The following VPS16 variants were observed in gnomAD, a reference collection of about 807,000 sequenced individuals.
The protein encoded by VPS16 is vacuolar protein sorting-associated protein 16 homolog.
In VPS16, 82 loss-of-function variants were observed where a neutral mutation model predicts 116.0. The ratio of observed to expected loss-of-function variants is 0.71; its 90% CI spans 0.59 to 0.85. VPS16 has a LOEUF of 0.85. Among genes scored for constraint, VPS16 ranks in the 40% least tolerant of loss-of-function variants. VPS16 has a pLI of 0.00. For synonymous variants in VPS16, 406 were observed against 420.7 expected, an observed-to-expected ratio of 0.96 and a Z score of 0.43; for missense variants, 928 against 1,090.6, an observed-to-expected ratio of 0.85 and a Z score of 2.10.
Position 2,860,213 on chromosome 20 carries a change from G to A in VPS16, c.241-26G>A, listed in dbSNP as rs1420688199. ...GACAGGGTTTCCTCACCTGAGGACA[G>A]CCTTAGGAACCTCTCTCCCCTGCAG... On this transcript the variant is annotated intron_variant, in intron 3 of 23. Coordinates refer to ENST00000380445, the MANE Select transcript of VPS16 (RefSeq NM_022575.4). This position sits in a 1 kb window ranked among gnomAD's most constrained non-coding sequence, Gnocchi z 6.1. 16 of 1,613,972 alleles carry A rather than the reference G, an allele frequency of 9.9e-6. No individual in the cohort carries two copies. The highest frequency in any genetic ancestry group is 1.4e-5 in the Non-Finnish European group (16 of 1,179,996).
rs751634540 is a variant in VPS16, at chr20:2,864,493, C to G, written c.1818+31C>G. 3 of 1,614,044 alleles carry G rather than the reference C, an allele frequency of 1.9e-6. No individual in the cohort carries two copies. In the East Asian group the frequency reaches 6.7e-5, roughly 36 times the overall value. On this transcript the variant is annotated intron_variant, in intron 18 of 23. Transcript: ENST00000380445. This position sits in a 1 kb window ranked among gnomAD's most constrained non-coding sequence, Gnocchi z 5.2. ...TGTAGTGGGCAGGGTTGTGGTGTAGCCTTCTGAGCACTTGAGTTGGCCTTG... is the reference window on the plus strand; with the variant it reads ...TGTAGTGGGCAGGGTTGTGGTGTAGGCTTCTGAGCACTTGAGTTGGCCTTG...
In VPS16 at chr20:2,864,310, C is replaced by G. The variant is rs1272526770; in HGVS notation, c.1720+23C>G. On this transcript the variant is annotated intron_variant, in intron 17 of 23. Coordinates refer to ENST00000380445, the MANE Select transcript of VPS16 (RefSeq NM_022575.4). The surrounding 1 kb of genome is among the most constrained non-coding windows in gnomAD (Gnocchi z 5.2). ...TGGGTGAGGGCAAGGCTGGGGGGCC[C>G]CTGGGCTAAGTGGGAGCCTGGCTGG... The G allele has an allele frequency of 6.2e-7, 1 of 1,613,782 alleles. No homozygotes were observed. Among genetic ancestry groups the G allele is most frequent in the Admixed American group, 1.7e-5 (1 of 59,984 alleles).
Position 2,866,244 on chromosome 20 carries a change from C to G in VPS16, c.2304C>G (p.Asn768Lys), listed in dbSNP as rs550469019. The G allele has an allele frequency of 1.7e-5, 27 of 1,614,012 alleles. No individual in the cohort carries two copies. The South Asian group carries it at 2.9e-4, about 17-fold the overall frequency. ...TGGAGATCTGCATGAAACAACATAACAAATACGAAGCCAAGAAGTATGCTT... is the reference window on the plus strand; with the variant it reads ...TGGAGATCTGCATGAAACAACATAAGAAATACGAAGCCAAGAAGTATGCTT... ...PFVEICMKQHNKYEAKKYASR... is the reference protein window; with the variant it reads ...PFVEICMKQHKKYEAKKYASR... Residue 768 changes from asparagine (N) to lysine (K), a missense_variant, in exon 23 of 24, where the codon AAC becomes AAG. Coordinates refer to ENST00000380445, the MANE Select transcript of VPS16 (RefSeq NM_022575.4).
intron 8 of VPS16, 28 bp from the exon 9 acceptor site, chr20:2,861,587 C>G (rs1422082205): frequency 6.3e-7 from 1 of 1,589,500 alleles, no homozygotes; most frequent in Non-Finnish European, 8.6e-7. Context: ...GGGACAGTGT[C>G]TAGCCAGTGT....
At position 2,860,660 on chromosome 20, in the gene VPS16, A is replaced by T; in HGVS notation, c.514+67A>T. The T allele has an allele frequency of 1.2e-6, 2 of 1,610,242 alleles. No individual in the cohort carries two copies. Among genetic ancestry groups the T allele is most frequent in the Non-Finnish European group, 1.7e-6 (2 of 1,178,026 alleles). On this transcript the variant is annotated intron_variant, in intron 5 of 23. Transcript: ENST00000380445. This position sits in a 1 kb window ranked among gnomAD's most constrained non-coding sequence, Gnocchi z 6.1. ...GATGTGCCTCTAGCCTGTGAGACCCATAAAAACAGAAGCTGTGGCTAGAGA... is the reference window on the plus strand; with the variant it reads ...GATGTGCCTCTAGCCTGTGAGACCCTTAAAAACAGAAGCTGTGGCTAGAGA...
rs149362403 is a variant in VPS16 at position 2,848,164 on chromosome 20, C to G, written c.53+7337C>G. 4.9e-3 allele frequency among the ~76,000 whole-genome samples: 748 copies of G among 152,338 alleles called. 5 individuals carry two copies. Among genetic ancestry groups the G allele is most frequent in the African/African-American group, 0.017 (694 of 41,580 alleles). On this transcript the variant is annotated intron_variant, in intron 1 of 23. Coordinates refer to ENST00000380445, the MANE Select transcript of VPS16 (RefSeq NM_022575.4). ...ACACATCCACAGGCACCAAACCCAA[C>G]TGGGGTCCCACAGTCCTATTATATG...
At chr20:2,862,766 A>T in intron 12 of VPS16, 41 bp from the exon 13 acceptor site, 1 of 1,612,668 alleles carries the variant, frequency 6.2e-7, no homozygotes, top group Admixed American at 1.7e-5. Context: ...TGGGATGGGC[A>T]GCAGGGAAGC....
chr20:2,840,759 G>C lies in VPS16; in HGVS notation c.-16G>C, dbSNP rs754204779. 6.5e-7 allele frequency: 1 copy of C among 1,547,846 alleles called. No homozygotes were observed. The highest frequency in any genetic ancestry group is 8.7e-7 in the Non-Finnish European group (1 of 1,146,460). On this transcript the variant is annotated 5_prime_UTR_variant, in exon 1 of 24. Transcript: ENST00000380445. ...GGTGTCCCCTCGGTGCTTCCCAGCT[G>C]CCGTCTGCACCAGCCATGGACTGCT...
rs1419502920 is a variant in VPS16 at position 2,864,343 on chromosome 20, A to G, written c.1721-22A>G. 2 of 1,613,242 alleles carry G rather than the reference A, an allele frequency of 1.2e-6. No individual in the cohort carries two copies. The highest frequency in any genetic ancestry group is 2.2e-5 in the South Asian group (2 of 91,012). On this transcript the variant is annotated intron_variant, in intron 17 of 23. Coordinates refer to ENST00000380445, the MANE Select transcript of VPS16 (RefSeq NM_022575.4). This position sits in a 1 kb window ranked among gnomAD's most constrained non-coding sequence, Gnocchi z 5.2. ...AAGTGGGAGCCTGGCTGGAATTCCC[A>G]CTCCACCTTACTCTCCTGCAGTGTT...
At chr20:2,845,587 A>G (rs1305237432) in intron 1 of VPS16, among the ~76,000 whole-genome samples, 53 of 139,284 alleles carry the variant, frequency 3.8e-4, no homozygotes, top group Non-Finnish European at 3.0e-5. Flanking sequence ...TGGGAGGCTG[A>G]AAAAAAAAAA....
At chr20:2,857,858 C>G (rs952269426) in intron 1 of VPS16, among the ~76,000 whole-genome samples, 2 of 150,974 alleles carry the variant, frequency 1.3e-5, no homozygotes, top group African/African-American at 4.9e-5. Context: ...TTACAGGTGC[C>G]CACCACCACG....
At position 2,864,012 on chromosome 20, in the gene VPS16, A is replaced by T. The variant is rs765001792; in HGVS notation, c.1540A>T (p.Thr514Ser). 1 of 1,614,104 alleles carries T rather than the reference A, an allele frequency of 6.2e-7. No individual in the cohort carries two copies. The highest frequency in any genetic ancestry group is 8.5e-7 in the Non-Finnish European group (1 of 1,179,996). Residue 514 changes from threonine (T) to serine (S), a missense_variant, in exon 16 of 24, where the codon ACG becomes TCG. Coordinates refer to ENST00000380445, the MANE Select transcript of VPS16 (RefSeq NM_022575.4). The surrounding 1 kb of genome is among the most constrained non-coding windows in gnomAD (Gnocchi z 5.2). ...AGCCATTAACCAGAAGCTGGGGGAC[A>T]CGCCTGGTGTCTCTTACTCCGACAT... ...ARAINQKLGD[T>S]PGVSYSDIAA...
At chr20:2,854,922 A>C (rs201152543) in intron 1 of VPS16, among the ~76,000 whole-genome samples, 1 of 149,384 alleles carries the variant, frequency 6.7e-6, no homozygotes, top group African/African-American at 2.5e-5. Context: ...TCTCCATCAG[A>C]GTTTTTGGGG....
intron 2 of VPS16, 73 bp from the exon 3 acceptor site, chr20:2,859,981 C>A: frequency 6.3e-7 from 1 of 1,586,282 alleles, no homozygotes; most frequent in Middle Eastern, 1.7e-4. Flanking sequence ...GCCTGGGGAG[C>A]CAGGATGTGA....
intron 1 of VPS16, among the ~76,000 whole-genome samples, chr20:2,851,911 C>A (rs1313901690): frequency 6.6e-6 from 1 of 152,036 alleles, no homozygotes; most frequent in Non-Finnish European, 1.5e-5. Flanking sequence ...GCGGAGCTTG[C>A]AGGAGCCGAG....
chr20:2,845,733 C>G (rs1291065441), intron 1 of VPS16, among the ~76,000 whole-genome samples: 2 of 152,078 alleles, frequency 1.3e-5, no homozygotes, highest in Admixed American at 1.3e-4. Context: ...TTTCATCTTG[C>G]AAAACTGAAA....
At position 2,863,244 on chromosome 20, in the gene VPS16, C is replaced by G; in HGVS notation, c.1368-46C>G. ...AGGCTGAGGCCACTCTGCTCCCTTT[C>G]TCCTCCACCTCACTCCTTGTATCCT... On this transcript the variant is annotated intron_variant, in intron 14 of 23. Transcript: ENST00000380445. This position sits in a 1 kb window ranked among gnomAD's most constrained non-coding sequence, Gnocchi z 4.4. 6.2e-7 allele frequency: 1 copy of G among 1,612,624 alleles called. No individual in the cohort carries two copies. The highest frequency in any genetic ancestry group is 8.5e-7 in the Non-Finnish European group (1 of 1,178,782).
In VPS16 at chr20:2,845,004, A is replaced by AGG. The variant is rs1168175989; in HGVS notation, c.53+4180_53+4181dup. On this transcript the variant is annotated intron_variant, in intron 1 of 23. Coordinates refer to ENST00000380445, the MANE Select transcript of VPS16 (RefSeq NM_022575.4). ...AAAGGTTGATGTAATTGGATTTGCA[A>AGG]GGGGTGTGTGTGTGTGTGTGTGTGT... 2.0e-4 allele frequency among the ~76,000 whole-genome samples: 23 copies of AGG among 116,376 alleles called. 1 individual carries two copies. The highest frequency in any genetic ancestry group is 8.4e-4 in the South Asian group (3 of 3,582). 76.3% of individuals were successfully genotyped at this position (116,376 alleles called of 152,430 possible).
At position 2,863,514 on chromosome 20, in the gene VPS16, AC is replaced by A; in HGVS notation, c.1476+117del. The stretch of plus-strand genomic sequence containing the variant: ...ACGGTGGCTCATGCCTGTAATCCCA[AC>A]ACTTTGGGAGGCTGAGGCGGGCGAA... On this transcript the variant is annotated intron_variant, in intron 15 of 23. Coordinates refer to ENST00000380445, the MANE Select transcript of VPS16 (RefSeq NM_022575.4). The surrounding 1 kb of genome is among the most constrained non-coding windows in gnomAD (Gnocchi z 4.4). 9.6e-7 allele frequency: 1 copy of A among 1,038,698 alleles called. No homozygotes were observed. Among genetic ancestry groups the A allele is most frequent in the Non-Finnish European group, 1.4e-6 (1 of 702,894 alleles). The allele number at this position is 1,038,698 out of a possible 1,614,324, so 64.3% of individuals were successfully genotyped here. A position where few individuals can be genotyped will look rare whatever the true frequency, so the allele number is the denominator to read the frequency against.
Sources: gnomAD v4.1 joint callset for allele counts (sites outside exome capture counted in the v4.1 genomes callset) on GRCh38, gnomAD v4.1.1 for gene constraint, Gnocchi (gnomAD v3.1) non-coding constraint, MANE v1.5 for transcripts, NCBI Gene and HGNC (gene_info 2026-07-23, HGNC 2026-07-21) for gene names.